Variants in GPRIN3 observed in about 807,000 individuals in gnomAD.
GPRIN3 encodes the protein G protein-regulated inducer of neurite outgrowth 3.
GPRIN3 carries 12 observed loss-of-function variants against 13.7 expected under a neutral mutation model. That is an observed-to-expected ratio of 0.87 (90% CI 0.56 to 1.42). The LOEUF (loss-of-function observed/expected upper bound fraction) is 1.42. Ranked by LOEUF, GPRIN3 falls within the 40% of genes most tolerant of loss-of-function variation. The pLI, the probability that GPRIN3 is intolerant of heterozygous loss-of-function variation, is 0.00. For missense variants in GPRIN3, 1,009 were observed against 958.7 expected (o/e 1.05, Z -0.69); for synonymous variants, 377 against 372.7 (o/e 1.01, Z -0.13).
At position 89,246,010 on chromosome 4, in the gene GPRIN3, T is replaced by A. The variant is rs937273995; in HGVS notation, c.*1770A>T. The A allele has an allele frequency of 6.6e-6, 1 of 152,232 alleles. No homozygotes were observed. The highest frequency in any genetic ancestry group is 1.5e-5 in the Non-Finnish European group (1 of 68,050). The allele number at this position is 152,232 out of a possible 1,614,324, so 9.4% of individuals were successfully genotyped here. ...TACTGTTCCATATATGCAAGCTTTG[T>A]CTACAGTTAAATTGCTTCAAAATAA... On this transcript the variant is annotated 3_prime_UTR_variant, in exon 2 of 2. Transcript: ENST00000609438.
intron 1 of GPRIN3, among the ~76,000 whole-genome samples, chr4:89,266,224 T>C (rs945639682): frequency 3.9e-5 from 6 of 152,222 alleles, no homozygotes; most frequent in South Asian, 2.1e-4. Flanking sequence ...AAGTTCATTG[T>C]AGGGTTATAC....
At chr4:89,296,259 TACTAGAAAAAAA>T (rs1265998472) in intron 1 of GPRIN3, among the ~76,000 whole-genome samples, 1 of 151,982 alleles carries the variant, frequency 6.6e-6, no homozygotes, top group African/African-American at 2.4e-5. Context: ...CATTTTCTTT[TACTAGAAAAAAA>T]AATCAATTGC....
chr4:89,280,876 A>G (rs4557230), intron 1 of GPRIN3, among the ~76,000 whole-genome samples: 27,400 of 152,112 alleles, frequency 0.18, 5,750 homozygotes, highest in African/African-American at 0.52. Flanking sequence ...GAAGTTAGAA[A>G]AGGGGCATTG....
chr4:89,291,243 TGA>T (rs1431879557), intron 1 of GPRIN3, among the ~76,000 whole-genome samples: 18 of 152,256 alleles, frequency 1.2e-4, no homozygotes, highest in East Asian at 3.9e-4. Context: ...TGTACAGGTC[TGA>T]GTTTCGATAA....
Position 89,236,510 on chromosome 4 carries a change from A to G in GPRIN3, c.*11270T>C, listed in dbSNP as rs1329486413. ...AAACTCAGAGGAGTAAGAGAAGAAA[A>G]GAACAATATTTTGCCTATGCCATTT... On this transcript the variant is annotated 3_prime_UTR_variant, in exon 2 of 2. Coordinates refer to ENST00000609438, the MANE Select transcript of GPRIN3 (RefSeq NM_198281.3). 6.6e-6 allele frequency: 1 copy of G among 152,232 alleles called. No homozygotes were observed. Among genetic ancestry groups the G allele is most frequent in the Non-Finnish European group, 1.5e-5 (1 of 68,036 alleles). 9.4% of individuals were successfully genotyped at this position (152,232 alleles called of 1,614,324 possible).
chr4:89,287,943 G>A (rs774447612), intron 1 of GPRIN3, among the ~76,000 whole-genome samples: 3 of 152,204 alleles, frequency 2.0e-5, no homozygotes, highest in Admixed American at 6.5e-5. Context: ...TAGTTTCAGT[G>A]TCAGGCCAGC....
chr4:89,258,654 C>T (rs140925288), intron 1 of GPRIN3, among the ~76,000 whole-genome samples: 2 of 152,272 alleles, frequency 1.3e-5, no homozygotes, highest in East Asian at 3.9e-4. Flanking sequence ...CTTGGATTCC[C>T]TCTGGGTATG....
chr4:89,279,002 T>A (rs1427856095), intron 1 of GPRIN3, among the ~76,000 whole-genome samples: 2 of 152,140 alleles, frequency 1.3e-5, no homozygotes, highest in African/African-American at 2.4e-5. Flanking sequence ...TACAAAGTCC[T>A]GGGAGAGAGG....
At chr4:89,261,437 G>C (rs1477553852) in intron 1 of GPRIN3, among the ~76,000 whole-genome samples, 1 of 152,176 alleles carries the variant, frequency 6.6e-6, no homozygotes, top group Non-Finnish European at 1.5e-5. Context: ...GAATGCCTGT[G>C]AGTTGATGTA....
chr4:89,296,532 A>G (rs149362824), intron 1 of GPRIN3, among the ~76,000 whole-genome samples: 3 of 152,226 alleles, frequency 2.0e-5, no homozygotes, highest in Admixed American at 6.5e-5. Flanking sequence ...CTTAACTTTC[A>G]TAAGTAAATG....
At position 89,248,057 on chromosome 4, in the gene GPRIN3, A is replaced by T; in HGVS notation, c.2054T>A (p.Val685Glu). The change falls in exon 2 of 2, where the codon GTG becomes GAG. Residue 685 changes from valine to glutamate, a missense_variant. Physicochemically the swap from Val to Glu is moderately radical, Grantham distance 121. Transcript: ENST00000609438. ...LKQSKRVRDV[V>E]WDEQGMTWEV... is the part of the protein sequence containing the mutation. ...CCAGGTCATTCCCTGCTCATCCCAC[A>T]CGACGTCCCTGACACGCTTGGACTG... is the stretch of plus-strand genomic sequence containing the variant. The T allele has an allele frequency of 6.2e-7, 1 of 1,614,084 alleles. No homozygotes were observed. Among genetic ancestry groups the T allele is most frequent in the South Asian group, 1.1e-5 (1 of 91,084 alleles).
chr4:89,306,356 G>C (rs1377360329), intron 1 of GPRIN3, among the ~76,000 whole-genome samples: 1 of 152,146 alleles, frequency 6.6e-6, no homozygotes, highest in African/African-American at 2.4e-5. Flanking sequence ...AGTAAAATAT[G>C]CAGCAGCACC....
chr4:89,254,031 T>A (rs1478667388), intron 1 of GPRIN3, among the ~76,000 whole-genome samples: 1 of 152,020 alleles, frequency 6.6e-6, no homozygotes, highest in Non-Finnish European at 1.5e-5. Context: ...CCAGAGTCCA[T>A]TATGGTAAGA....
chr4:89,249,800 C>T lies in GPRIN3; in HGVS notation c.311G>A (p.Gly104Glu). 9 of 1,614,098 alleles carry T rather than the reference C, an allele frequency of 5.6e-6. No individual in the cohort carries two copies. Among genetic ancestry groups the T allele is most frequent in the Non-Finnish European group, 7.6e-6 (9 of 1,180,022 alleles). Residue 104 changes from glycine (G) to glutamate (E), a missense_variant, in exon 2 of 2, where the codon GGG becomes GAG. Transcript: ENST00000609438. ...GGCTGATGCTGCGGGCTGGCTGCTC[C>T]CTGGCAGCTGGGGATTGCCGGGAGA... ...FNSPGNPQLP[G>E]SSQPAASAPS...
chr4:89,303,099 T>C (rs569040906), intron 1 of GPRIN3, among the ~76,000 whole-genome samples: 1 of 152,140 alleles, frequency 6.6e-6, no homozygotes, highest in Non-Finnish European at 1.5e-5. Context: ...ACTTTGTCTC[T>C]TCAGAATAAC....
chr4:89,265,557 T>C (rs1010458214), intron 1 of GPRIN3, among the ~76,000 whole-genome samples: 3 of 152,232 alleles, frequency 2.0e-5, no homozygotes, highest in Non-Finnish European at 4.4e-5. Flanking sequence ...TTTAAAACTT[T>C]GTGATGAGTT....
At chr4:89,272,797 T>G (rs1043942678) in intron 1 of GPRIN3, among the ~76,000 whole-genome samples, 1 of 152,202 alleles carries the variant, frequency 6.6e-6, no homozygotes, top group Non-Finnish European at 1.5e-5. Context: ...ACAACACTTA[T>G]CTTCTGATAT....
chr4:89,283,204 C>T (rs542043254), intron 1 of GPRIN3, among the ~76,000 whole-genome samples: 1 of 152,280 alleles, frequency 6.6e-6, no homozygotes, highest in East Asian at 1.9e-4. Context: ...GTAGCACAAA[C>T]ATTAAACATT....
intron 1 of GPRIN3, among the ~76,000 whole-genome samples, chr4:89,279,029 C>T (rs372060299): frequency 4.6e-5 from 7 of 152,154 alleles, no homozygotes; most frequent in South Asian, 2.1e-4. Context: ...TGGGCCTTGA[C>T]GAGGAGAAGG....
Sources: allele counts gnomAD v4.1 joint callset (sites outside exome capture counted in the v4.1 genomes callset), GRCh38; gene constraint gnomAD v4.1.1; transcripts MANE v1.5; gene names NCBI Gene and HGNC (gene_info 2026-07-23, HGNC 2026-07-21).